DGKE: variants seen among roughly 807,000 people sequenced by gnomAD.
The protein encoded by DGKE is DAG kinase epsilon.
In DGKE, 53 loss-of-function variants were observed where a neutral mutation model predicts 70.0. The ratio of observed to expected loss-of-function variants is 0.76; its 90% confidence interval spans 0.61 to 0.95. DGKE has a LOEUF of 0.95. Among genes scored for constraint, DGKE ranks in the 40% least tolerant of loss-of-function variants. The probability of loss-of-function intolerance (pLI) is 0.00; values close to 1 mark genes in which losing one functional copy is unlikely to be tolerated. For missense variants in DGKE, 655 were observed against 706.9 expected (o/e 0.93, Z 0.83); for synonymous variants, 291 against 257.0 (o/e 1.13, Z -1.27).
intron 2 of DGKE, among the ~76,000 whole-genome samples, chr17:56,839,907 G>A (rs1048468834): frequency 3.3e-5 from 5 of 152,246 alleles, no homozygotes; most frequent in East Asian, 1.9e-4. Flanking sequence ...TGGGCTGAGC[G>A]CAGTGGCTCA....
At position 56,862,135 on chromosome 17, in the gene DGKE, T is replaced by C. The variant is rs758273287; in HGVS notation, c.1413-5T>C. The C allele has an allele frequency of 1.2e-6, 2 of 1,613,888 alleles. No individual in the cohort carries two copies. Among genetic ancestry groups the C allele is most frequent in the Non-Finnish European group, 1.7e-6 (2 of 1,179,846 alleles). On this transcript the variant is annotated splice_region_variant and splice_polypyrimidine_tract_variant and intron_variant, in intron 10 of 11. Coordinates refer to ENST00000284061, the MANE Select transcript of DGKE (RefSeq NM_003647.3). The stretch of plus-strand genomic sequence containing the variant: ...ATAATCCATATTTTCTTTTTCCAAT[T>C]TTAGGCATGACGATGGTCTGCTGGA...
chr17:56,846,599 T>A (rs1330107924), intron 4 of DGKE, among the ~76,000 whole-genome samples: 2 of 152,032 alleles, frequency 1.3e-5, no homozygotes, highest in African/African-American at 4.8e-5. Flanking sequence ...ATCGTTAAAA[T>A]TGAATATAAT....
At chr17:56,845,908 A>G in intron 4 of DGKE, 99 bp downstream of exon 4, 1 of 1,209,888 alleles carries the variant, frequency 8.3e-7, no homozygotes, top group South Asian at 2.2e-5. Context: ...ATCATAGGAA[A>G]GAATAATAAT....
chr17:56,840,580 A>C (rs75389576), intron 2 of DGKE, among the ~76,000 whole-genome samples: 2 of 152,114 alleles, frequency 1.3e-5, no homozygotes, highest in African/African-American at 4.8e-5. Context: ...GGGTTTCACC[A>C]TGTTACTCAG....
At chr17:56,850,525 G>T (rs1409343224) in intron 7 of DGKE, among the ~76,000 whole-genome samples, 1 of 152,126 alleles carries the variant, frequency 6.6e-6, no homozygotes, top group Non-Finnish European at 1.5e-5. Flanking sequence ...TAAATAAGGA[G>T]AAAACAGAGA....
rs1270383581 is a variant in DGKE, at chr17:56,847,052, T to C, written c.745-870T>C. On this transcript the variant is annotated intron_variant, in intron 4 of 11. Coordinates refer to ENST00000284061, the MANE Select transcript of DGKE (RefSeq NM_003647.3). ...TAACACTGTCTCTATGATTGTACTA[T>C]AAATAATGCCACAGTGAATATTTTT... Among the ~76,000 whole-genome samples, 3 of 152,246 alleles carry C rather than the reference T, an allele frequency of 2.0e-5. No homozygotes were observed. In the East Asian group the frequency reaches 5.8e-4, roughly 29 times the overall value.
chr17:56,858,067 A>G lies in DGKE; in HGVS notation c.1213-527A>G, dbSNP rs1450088699. 6.7e-5 allele frequency among the ~76,000 whole-genome samples: 7 copies of G among 103,750 alleles called. No individual in the cohort carries two copies. The East Asian group carries it at 2.4e-3, about 35-fold the overall frequency. 68.1% of individuals were successfully genotyped at this position (103,750 alleles called of 152,430 possible). On this transcript the variant is annotated intron_variant, in intron 8 of 11. Transcript: ENST00000284061. ...CAGCCTGGTGACAGAGCGAGACTCC[A>G]TCTCAAAAAAAAAAAAAAAAAAGAA...
intron 2 of DGKE, among the ~76,000 whole-genome samples, chr17:56,842,065 T>A (rs1250408693): frequency 6.6e-6 from 1 of 152,154 alleles, no homozygotes; most frequent in Non-Finnish European, 1.5e-5. Flanking sequence ...TTTAAAAAAA[T>A]TGATATACAA....
rs1906464272 is a variant in DGKE, at chr17:56,834,786, C to T, written c.-10C>T. Reference sequence around the variant, plus strand: ...GTTTCTTTTCTGGTTAGGTATCGTCCTTGGAGAAGATGGAAGCGGAGAGGC... The same window carrying T: ...GTTTCTTTTCTGGTTAGGTATCGTCTTTGGAGAAGATGGAAGCGGAGAGGC... On this transcript the variant is annotated 5_prime_UTR_variant, in exon 2 of 12. Coordinates refer to ENST00000284061, the MANE Select transcript of DGKE (RefSeq NM_003647.3). 2 of 1,593,198 alleles carry T rather than the reference C, an allele frequency of 1.3e-6. No individual in the cohort carries two copies. Among genetic ancestry groups the T allele is most frequent in the South Asian group, 1.1e-5 (1 of 88,750 alleles).
chr17:56,859,482 C>T lies in DGKE; in HGVS notation c.1284+817C>T, dbSNP rs1053170254. Among the ~76,000 whole-genome samples, 8 of 149,142 alleles carry T rather than the reference C, an allele frequency of 5.4e-5. No individual in the cohort carries two copies. The South Asian group carries it at 6.4e-4, about 12-fold the overall frequency. ...TCATCCAGGCTGGAGTGCAGTGGTGCGATCTCCGCTCACTGCAAGCTCTGT... is the reference window on the plus strand; with the variant it reads ...TCATCCAGGCTGGAGTGCAGTGGTGTGATCTCCGCTCACTGCAAGCTCTGT... On this transcript the variant is annotated intron_variant, in intron 9 of 11. Transcript: ENST00000284061.
rs755024273 is a variant in DGKE at position 56,834,984 on chromosome 17, C to G, written c.189C>G (p.Arg63=). 6.2e-7 allele frequency: 1 copy of G among 1,612,658 alleles called. No individual in the cohort carries two copies. Among genetic ancestry groups the G allele is most frequent in the African/African-American group, 1.3e-5 (1 of 75,054 alleles). The part of the protein sequence containing the change: ...DIFRKSKHGW[R]DTDLFSQPTY... ...TCCGCAAGAGCAAGCACGGGTGGCG[C>G]GACACGGACCTGTTCAGCCAGCCCA... Residue 63 remains arginine, a synonymous_variant, in exon 2 of 12, where the codon CGC becomes CGG. Transcript: ENST00000284061.
intron 7 of DGKE, among the ~76,000 whole-genome samples, chr17:56,852,741 ATAG>A (rs1263094320): frequency 6.6e-6 from 1 of 152,190 alleles, no homozygotes; most frequent in Non-Finnish European, 1.5e-5. Flanking sequence ...TCTCTTTTTG[ATAG>A]TAGCCAATCT....
intron 9 of DGKE, among the ~76,000 whole-genome samples, chr17:56,861,309 G>A (rs1336314437): frequency 6.6e-6 from 1 of 152,220 alleles, no homozygotes; most frequent in African/African-American, 2.4e-5. Context: ...GTACATTGGG[G>A]AACAGGGAGC....
At chr17:56,847,362 T>C (rs1419046088) in intron 4 of DGKE, 1 of 135,238 alleles carries the variant, frequency 7.4e-6, no homozygotes, top group South Asian at 2.2e-4. Context: ...TGAGACAGAG[T>C]CTTGCTTTGT....
At chr17:56,857,792 A>G (rs1202667477) in intron 8 of DGKE, among the ~76,000 whole-genome samples, 2 of 152,116 alleles carry the variant, frequency 1.3e-5, no homozygotes, top group African/African-American at 4.8e-5. Flanking sequence ...AATCACTTCT[A>G]GGCCGCGCAT....
At chr17:56,847,866 T>C (rs1337234688) in intron 4 of DGKE, 56 bp from the exon 5 acceptor site, 2 of 1,330,146 alleles carry the variant, frequency 1.5e-6, no homozygotes, top group Non-Finnish European at 2.0e-6. Flanking sequence ...AAATCATCAT[T>C]ACAGATGAAG....
rs1317589834 is a variant in DGKE, at chr17:56,867,981, T to C, written c.*5190T>C. 1 of 152,168 alleles carries C rather than the reference T, an allele frequency of 6.6e-6. No homozygotes were observed. Among genetic ancestry groups the C allele is most frequent in the Non-Finnish European group, 1.5e-5 (1 of 68,074 alleles). The allele number at this position is 152,168 out of a possible 1,614,324, so 9.4% of individuals were successfully genotyped here. On this transcript the variant is annotated 3_prime_UTR_variant, in exon 12 of 12. Coordinates refer to ENST00000284061, the MANE Select transcript of DGKE (RefSeq NM_003647.3). ...CAGACCAAGAACACTTCAGTCTCTC[T>C]AAGGATGCCCTGAGCTACCTCACTG... is the stretch of plus-strand genomic sequence containing the variant.
chr17:56,842,145 CAAACGTATACACTATA>C (rs1413710629), intron 2 of DGKE, among the ~76,000 whole-genome samples: 1 of 152,094 alleles, frequency 6.6e-6, no homozygotes, highest in East Asian at 1.9e-4. Flanking sequence ...AGCTGAAAAA[CAAACGTATACACTATA>C]AAACTGAGAA....
chr17:56,847,214 A>T (rs1907337229), intron 4 of DGKE: 1 of 119,272 alleles, frequency 8.4e-6, no homozygotes, highest in South Asian at 2.7e-4. Flanking sequence ...ATTTGTGCTA[A>T]GTTGCACTGG....
Sources: gnomAD v4.1 joint callset for allele counts (sites outside exome capture counted in the v4.1 genomes callset) on GRCh38, gnomAD v4.1.1 for gene constraint, MANE v1.5 for transcripts, NCBI Gene and HGNC (gene_info 2026-07-23, HGNC 2026-07-21) for gene names.